Variants in AK8 observed in about 807,000 individuals in gnomAD.
AK8 encodes adenylate kinase 8, also known as ATP-AMP transphosphorylase 8.
A neutral mutation model predicts 54.6 loss-of-function variants in AK8; 44 were observed. The observed-to-expected ratio is 0.81, with a 90% CI of 0.63 to 1.04. AK8 has a LOEUF of 1.04. Among genes scored for constraint, AK8 ranks in the 50% least tolerant of loss-of-function variants. The pLI is 0.00. For synonymous variants in AK8, 239 were observed against 245.6 expected, an observed-to-expected ratio of 0.97 and a Z score of 0.25; for missense variants, 555 against 613.6, an observed-to-expected ratio of 0.90 and a Z score of 1.01.
chr9:132,827,894 C>A (rs937133452), intron 7 of AK8, 119 bp downstream of exon 7: 8 of 986,604 alleles, frequency 8.1e-6, no homozygotes, highest in African/African-American at 6.5e-5. Flanking sequence ...TGGCAGCCTT[C>A]CTCGTGTCCC....
intron 11 of AK8, among the ~76,000 whole-genome samples, chr9:132,738,676 A>G (rs1837228176): frequency 6.6e-6 from 1 of 152,096 alleles, no homozygotes; most frequent in South Asian, 2.1e-4. Flanking sequence ...ATAGTTTCCA[A>G]AGGAAGTAAT....
rs760745113 is a variant in AK8, at chr9:132,826,581, G to A, written c.757+273C>T. Reference sequence around the variant, plus strand: ...CCCATCCCTTGCCTCTCCTCCTCCCGACCCCACGACCACCAAATCTGCTGT... The same window carrying A: ...CCCATCCCTTGCCTCTCCTCCTCCCAACCCCACGACCACCAAATCTGCTGT... On this transcript the variant is annotated intron_variant, in intron 8 of 12. Transcript: ENST00000298545. The surrounding 1 kb of genome is among the most constrained non-coding windows in gnomAD (Gnocchi z 4.5). 2.8e-5 allele frequency among the ~76,000 whole-genome samples: 4 copies of A among 141,910 alleles called. No individual in the cohort carries two copies. The highest frequency in any genetic ancestry group is 2.6e-4 in the South Asian group (1 of 3,794). The allele number at this position is 141,910 out of a possible 152,430, so 93.1% of individuals were successfully genotyped here.
At chr9:132,851,230 C>T (rs1842960204) in intron 5 of AK8, among the ~76,000 whole-genome samples, 1 of 152,190 alleles carries the variant, frequency 6.6e-6, no homozygotes, top group African/African-American at 2.4e-5. Context: ...TCCAGGCAGT[C>T]CTGCGGTGAC....
chr9:132,863,915 G>A, intron 3 of AK8, 137 bp from the exon 4 acceptor site: 3 of 684,174 alleles, frequency 4.4e-6, no homozygotes, highest in Non-Finnish European at 7.3e-6. Context: ...TCCAGCTGGA[G>A]GACGGCCACC....
intron 5 of AK8, among the ~76,000 whole-genome samples, chr9:132,841,981 C>T (rs530475030): frequency 1.3e-5 from 2 of 152,230 alleles, no homozygotes; most frequent in South Asian, 4.1e-4. Flanking sequence ...AGTGCTTGAA[C>T]TTTCTCAAGG....
intron 11 of AK8, among the ~76,000 whole-genome samples, chr9:132,744,483 A>G (rs1313031204): frequency 2.6e-5 from 4 of 152,072 alleles, no homozygotes; most frequent in African/African-American, 7.2e-5. Context: ...ATCCTCGGTC[A>G]GATCACGCAG....
At chr9:132,877,406 G>T (rs910350299) in intron 1 of AK8, among the ~76,000 whole-genome samples, 4 of 152,156 alleles carry the variant, frequency 2.6e-5, no homozygotes, top group African/African-American at 9.7e-5. Flanking sequence ...TGGGGATGGG[G>T]TGTACCCTGG....
At chr9:132,775,662 C>G (rs992146398) in intron 11 of AK8, among the ~76,000 whole-genome samples, 37 of 152,196 alleles carry the variant, frequency 2.4e-4, no homozygotes, top group African/African-American at 6.5e-4. Context: ...CCACACAGAG[C>G]CCTTGCTATA....
rs1362446097 is a variant in AK8, at chr9:132,790,955, T to C, written c.1121+1679A>G. On this transcript the variant is annotated intron_variant, in intron 11 of 12. Coordinates refer to ENST00000298545, the MANE Select transcript of AK8 (RefSeq NM_152572.3). This position sits in a 1 kb window ranked among gnomAD's most constrained non-coding sequence, Gnocchi z 4.1. ...TATCAGTAAGAAGAACAAGAGATAA[T>C]ATACCTAGAAATAAAATAAAAAATG... 6.6e-6 allele frequency among the ~76,000 whole-genome samples: 1 copy of C among 152,046 alleles called. No individual in the cohort carries two copies. Among genetic ancestry groups the C allele is most frequent in the Non-Finnish European group, 1.5e-5 (1 of 68,004 alleles).
intron 11 of AK8, among the ~76,000 whole-genome samples, chr9:132,786,415 C>T (rs1242685174): frequency 6.6e-6 from 1 of 152,180 alleles, no homozygotes; most frequent in Non-Finnish European, 1.5e-5. Flanking sequence ...AGTATGCAAA[C>T]TGCATGCAGT....
chr9:132,873,610 C>T (rs1476016893), intron 2 of AK8, among the ~76,000 whole-genome samples: 2 of 152,148 alleles, frequency 1.3e-5, no homozygotes, highest in Non-Finnish European at 2.9e-5. Flanking sequence ...TTTCCCTTTG[C>T]GGTCCATTCT....
chr9:132,755,858 TC>T (rs1211041351), intron 11 of AK8, among the ~76,000 whole-genome samples: 1 of 151,648 alleles, frequency 6.6e-6, no homozygotes, highest in Non-Finnish European at 1.5e-5. Flanking sequence ...ACCTTCGCCC[TC>T]TGGGTTCAAG....
Position 132,776,591 on chromosome 9 carries a change from G to A in AK8, c.1121+16043C>T, listed in dbSNP as rs1255261283. Among the ~76,000 whole-genome samples the A allele has an allele frequency of 2.6e-5, 4 of 152,352 alleles. No individual in the cohort carries two copies. The East Asian group carries it at 7.7e-4, about 29-fold the overall frequency. On this transcript the variant is annotated intron_variant, in intron 11 of 12. Transcript: ENST00000298545. Reference sequence around the variant, plus strand: ...TCCCTCAAACAGCTGTGCCAGCAGAGCTCTGAGAGTGCTGCGGGGCCGCCA... The same window carrying A: ...TCCCTCAAACAGCTGTGCCAGCAGAACTCTGAGAGTGCTGCGGGGCCGCCA...
chr9:132,853,094 C>T (rs1843032841), intron 5 of AK8, among the ~76,000 whole-genome samples: 1 of 151,946 alleles, frequency 6.6e-6, no homozygotes, highest in Non-Finnish European at 1.5e-5. Flanking sequence ...CGGTAGCTCA[C>T]ACCTGTAATC....
chr9:132,812,356 G>A (rs1037712702), intron 10 of AK8, among the ~76,000 whole-genome samples: 1 of 148,922 alleles, frequency 6.7e-6, no homozygotes, highest in Non-Finnish European at 1.5e-5. Flanking sequence ...TCAACCTCCC[G>A]AGTAGCTGGG....
intron 11 of AK8, among the ~76,000 whole-genome samples, chr9:132,764,042 G>C (rs78918356): frequency 0.056 from 8,528 of 152,300 alleles, 799 homozygotes; most frequent in African/African-American, 0.19. Context: ...GCTCATGCCT[G>C]CAATCCTGTC....
At chr9:132,742,642 CT>C (rs1362730956) in intron 11 of AK8, among the ~76,000 whole-genome samples, 2 of 152,230 alleles carry the variant, frequency 1.3e-5, no homozygotes, top group African/African-American at 4.8e-5. Flanking sequence ...ACCCACCTTA[CT>C]TTGGGCTCTT....
chr9:132,750,483 T>C (rs1837864580), intron 11 of AK8, among the ~76,000 whole-genome samples: 1 of 151,962 alleles, frequency 6.6e-6, no homozygotes. Flanking sequence ...ACAGAAGACA[T>C]ACCTCTGTGG....
At chr9:132,758,352 C>T (rs970596482) in intron 11 of AK8, among the ~76,000 whole-genome samples, 10 of 152,232 alleles carry the variant, frequency 6.6e-5, no homozygotes, top group Non-Finnish European at 1.3e-4. Context: ...CTCATCAGTA[C>T]TTGGTTTGGA....
Sources: gnomAD v4.1 joint callset for allele counts (sites outside exome capture counted in the v4.1 genomes callset) on GRCh38, gnomAD v4.1.1 for gene constraint, Gnocchi (gnomAD v3.1) non-coding constraint, MANE v1.5 for transcripts, NCBI Gene and HGNC (gene_info 2026-07-23, HGNC 2026-07-21) for gene names.